Variants in GRID2 observed in about 807,000 individuals in gnomAD.
The protein encoded by GRID2 is glutamate ionotropic receptor delta type subunit 2, also known as glutamate receptor ionotropic, delta-2.
Under a neutral mutation model 114.8 loss-of-function variants are expected in GRID2, and 33 were observed. The observed-to-expected ratio is 0.29, with a 90% CI of 0.22 to 0.38. The LOEUF (loss-of-function observed/expected upper bound fraction) is 0.38, where lower values mean the gene tolerates loss of function less well. Ranked by LOEUF, GRID2 falls within the 10% of genes least tolerant of loss-of-function variation. The pLI is 1.00. For synonymous variants in GRID2, 505 were observed against 449.9 expected (o/e 1.12, Z -1.55); for missense variants, 1,184 against 1,257.7 (o/e 0.94, Z 0.89).
chr4:93,473,475 C>T (rs537345760), intron 11 of GRID2, among the ~76,000 whole-genome samples: 1 of 152,064 alleles, frequency 6.6e-6, no homozygotes, highest in East Asian at 1.9e-4. Flanking sequence ...TACTGTGTCC[C>T]ACTAGATATT....
chr4:92,602,832 A>G (rs1318897263), intron 2 of GRID2, among the ~76,000 whole-genome samples: 3 of 152,220 alleles, frequency 2.0e-5, no homozygotes, highest in Non-Finnish European at 4.4e-5. Context: ...AAGCTTCTTA[A>G]GCTAATAAGC....
chr4:93,309,594 A>G (rs897232290), intron 8 of GRID2, among the ~76,000 whole-genome samples: 5 of 151,894 alleles, frequency 3.3e-5, no homozygotes, highest in African/African-American at 1.2e-4. Flanking sequence ...AATGAATGAA[A>G]CTGGAGAGTC....
intron 13 of GRID2, among the ~76,000 whole-genome samples, chr4:93,531,085 G>C (rs772017402): frequency 2.0e-5 from 3 of 152,072 alleles, no homozygotes; most frequent in Non-Finnish European, 4.4e-5. Context: ...ATGCCATGTA[G>C]AATTATGTTT....
chr4:92,914,459 T>G (rs1748631259), intron 2 of GRID2, among the ~76,000 whole-genome samples: 1 of 152,288 alleles, frequency 6.6e-6, no homozygotes, highest in South Asian at 2.1e-4. Context: ...AAGTGCAGGT[T>G]TGTTACATAG....
chr4:92,541,787 GA>G (rs943498984), intron 1 of GRID2, among the ~76,000 whole-genome samples: 18 of 148,856 alleles, frequency 1.2e-4, no homozygotes, highest in East Asian at 3.9e-4. Flanking sequence ...GATATTTCTG[GA>G]AAAAAAAAAT....
chr4:93,166,125 A>G (rs1435972307), intron 4 of GRID2: 1 of 152,202 alleles, frequency 6.6e-6, no homozygotes, highest in Non-Finnish European at 1.5e-5. Context: ...CCACATGGAA[A>G]GAGAGAATTG....
At chr4:92,451,818 A>G (rs4629410) in intron 1 of GRID2, among the ~76,000 whole-genome samples, 21,559 of 152,230 alleles carry the variant, frequency 0.14, 1,848 homozygotes, top group South Asian at 0.21. Context: ...TTGTCCAAAT[A>G]TCAAAAGAGC....
At chr4:93,593,657 CT>C (rs1738674828) in intron 13 of GRID2, among the ~76,000 whole-genome samples, 1 of 151,798 alleles carries the variant, frequency 6.6e-6, no homozygotes, top group South Asian at 2.1e-4. Context: ...TGTTTTCCAA[CT>C]TGGTTCCATT....
intron 9 of GRID2, among the ~76,000 whole-genome samples, chr4:93,398,133 G>GTGTGTGTGTGTGTGTATATATATATA: frequency 1.6e-5 from 2 of 122,352 alleles, no homozygotes; most frequent in African/African-American, 7.7e-5. Context: ...ATGTGTGTGT[G>GTGTGTGTGTGTGTGTATATATATATA]TATATATATA....
At chr4:92,904,415 T>G (rs991238519) in intron 2 of GRID2, among the ~76,000 whole-genome samples, 8 of 151,734 alleles carry the variant, frequency 5.3e-5, no homozygotes, top group African/African-American at 1.9e-4. Flanking sequence ...CAGTTATTAC[T>G]GATTTAATAA....
chr4:93,636,404 A>G (rs11932367), intron 14 of GRID2, among the ~76,000 whole-genome samples: 88,619 of 151,890 alleles, frequency 0.58, 26,540 homozygotes, highest in East Asian at 0.71. Context: ...CCACAAATTT[A>G]CACTGCACTT....
chr4:92,994,871 T>C (rs1409287211), intron 2 of GRID2, among the ~76,000 whole-genome samples: 1 of 152,112 alleles, frequency 6.6e-6, no homozygotes, highest in East Asian at 1.9e-4. Flanking sequence ...CTACAGTGTA[T>C]GTTGGAGCCA....
chr4:93,160,448 A>G (rs1737588921), intron 4 of GRID2, among the ~76,000 whole-genome samples: 1 of 151,848 alleles, frequency 6.6e-6, no homozygotes. Flanking sequence ...TGTTAGTCTT[A>G]CCTTATTAGC....
At chr4:92,391,830 G>A (rs967147082) in intron 1 of GRID2, among the ~76,000 whole-genome samples, 5 of 152,112 alleles carry the variant, frequency 3.3e-5, no homozygotes, top group Non-Finnish European at 7.4e-5. Context: ...GCCACAGGCA[G>A]TTTTGCTATA....
intron 3 of GRID2, among the ~76,000 whole-genome samples, chr4:93,087,871 A>G (rs1730462667): frequency 6.6e-6 from 1 of 152,162 alleles, no homozygotes; most frequent in African/African-American, 2.4e-5. Context: ...TGTACTTTGA[A>G]GAGGGCTACT....
chr4:93,541,004 G>A (rs1732597166), intron 13 of GRID2, among the ~76,000 whole-genome samples: 3 of 152,010 alleles, frequency 2.0e-5, no homozygotes, highest in Non-Finnish European at 1.5e-5. Context: ...CTATAAATAT[G>A]CTACTCCTAG....
intron 2 of GRID2, among the ~76,000 whole-genome samples, chr4:93,080,245 T>C (rs1273806539): frequency 6.6e-6 from 1 of 152,186 alleles, no homozygotes; most frequent in Non-Finnish European, 1.5e-5. Context: ...TCATAAATAG[T>C]ATATTTGTGA....
At chr4:92,557,901 T>G (rs1726933963) in intron 1 of GRID2, among the ~76,000 whole-genome samples, 1 of 152,088 alleles carries the variant, frequency 6.6e-6, no homozygotes, top group South Asian at 2.1e-4. Flanking sequence ...TGCCTTGACA[T>G]TATTGAAATA....
chr4:93,677,179 A>G (rs34909854), intron 14 of GRID2, among the ~76,000 whole-genome samples: 88,285 of 152,008 alleles, frequency 0.58, 27,526 homozygotes, highest in African/African-American at 0.83. Context: ...CTGATTGCTA[A>G]CACAGCAGTC....
Sources: allele counts gnomAD v4.1 joint callset (sites outside exome capture counted in the v4.1 genomes callset), GRCh38; gene constraint gnomAD v4.1.1; transcripts MANE v1.5; gene names NCBI Gene and HGNC (gene_info 2026-07-23, HGNC 2026-07-21).